The following PAX5 variants were observed in gnomAD, a reference collection of about 807,000 sequenced individuals.
The protein encoded by PAX5 is paired box protein Pax-5.
A neutral mutation model predicts 43.7 loss-of-function variants in PAX5; 9 were observed. The observed-to-expected ratio is 0.21, with a 90% CI of 0.12 to 0.36. The LOEUF (loss-of-function observed/expected upper bound fraction) is 0.36. Among genes scored for constraint, PAX5 ranks in the 10% least tolerant of loss-of-function variants. The pLI is 1.00. For synonymous variants in PAX5, 228 were observed against 214.3 expected (o/e 1.06, Z -0.56); for missense variants, 383 against 532.7 (o/e 0.72, Z 2.77).
At chr9:36,976,815 C>A (rs1323435792) in intron 5 of PAX5, among the ~76,000 whole-genome samples, 1 of 152,162 alleles carries the variant, frequency 6.6e-6, no homozygotes, top group African/African-American at 2.4e-5. Flanking sequence ...TGGGAAAGGC[C>A]CCAAGGGCTG....
intron 8 of PAX5, among the ~76,000 whole-genome samples, chr9:36,863,453 G>A (rs4880019): frequency 0.82 from 125,336 of 152,104 alleles, 51,721 homozygotes; most frequent in Middle Eastern, 0.87. Context: ...TTTAGTGTCA[G>A]TGATGTGCCG....
chr9:37,025,846 T>G (rs539061037), intron 1 of PAX5, among the ~76,000 whole-genome samples: 4 of 152,098 alleles, frequency 2.6e-5, no homozygotes, highest in Non-Finnish European at 4.4e-5. Flanking sequence ...TCGTTTCTTA[T>G]CCTCTTTTTT....
intron 6 of PAX5, among the ~76,000 whole-genome samples, chr9:36,932,947 G>T (rs910829071): frequency 1.3e-5 from 2 of 151,964 alleles, no homozygotes; most frequent in Admixed American, 6.6e-5. Context: ...CCTGAGGTCA[G>T]GAGTTCAAGA....
At chr9:37,006,234 A>G (rs1043344276) in intron 4 of PAX5, among the ~76,000 whole-genome samples, 4 of 152,010 alleles carry the variant, frequency 2.6e-5, no homozygotes, top group African/African-American at 9.7e-5. Flanking sequence ...TTAGATTTCA[A>G]TTTTCTGTCT....
intron 6 of PAX5, chr9:36,931,019 G>A (rs368344547): frequency 4.1e-6 from 2 of 489,692 alleles, no homozygotes; most frequent in East Asian, 6.1e-5. Flanking sequence ...CAGCGCATGG[G>A]GCAAGGCTGC....
In PAX5 at chr9:36,840,647, C is replaced by T. The variant is rs149896434; in HGVS notation, c.1100-11G>A. 1,460 of 1,537,074 alleles carry T rather than the reference C, an allele frequency of 9.5e-4. 17 individuals carry two copies. The South Asian group carries it at 0.012, about 13-fold the overall frequency. Reference sequence around the variant, plus strand: ...AATAGTAGGGGGAGCCTGGAAGAGACGGGAGAGAGCACCGAGGTCAGATCC... The same window carrying T: ...AATAGTAGGGGGAGCCTGGAAGAGATGGGAGAGAGCACCGAGGTCAGATCC... On this transcript the variant is annotated splice_polypyrimidine_tract_variant and intron_variant, in intron 9 of 9. Transcript: ENST00000358127.
chr9:37,024,480 T>C (rs945900489), intron 1 of PAX5, among the ~76,000 whole-genome samples: 4 of 152,100 alleles, frequency 2.6e-5, no homozygotes, highest in African/African-American at 9.7e-5. Context: ...TCAGCCACCT[T>C]CCAGGATCTA....
intron 7 of PAX5, among the ~76,000 whole-genome samples, chr9:36,883,940 A>G (rs1349647160): frequency 6.6e-6 from 1 of 152,212 alleles, no homozygotes; most frequent in Admixed American, 6.5e-5. Flanking sequence ...AAGTAATTCA[A>G]GAAGAGTCAG....
At chr9:36,939,202 T>C (rs2132048957) in intron 6 of PAX5, among the ~76,000 whole-genome samples, 1 of 152,314 alleles carries the variant, frequency 6.6e-6, no homozygotes, top group African/African-American at 2.4e-5. Context: ...CCTTTCTTTC[T>C]TAAAATAAAT....
chr9:36,864,649 C>G (rs540783384), intron 8 of PAX5, among the ~76,000 whole-genome samples: 12 of 152,210 alleles, frequency 7.9e-5, no homozygotes, highest in Admixed American at 1.3e-4. Context: ...CAGCCTCCCC[C>G]CTCAGCCCAC....
At chr9:37,007,315 C>T (rs1838486664) in intron 3 of PAX5, 1 of 152,172 alleles carries the variant, frequency 6.6e-6, no homozygotes, top group Admixed American at 6.5e-5. Flanking sequence ...TGGAACAGAC[C>T]ACTCTGCTTA....
chr9:36,920,803 C>CAT (rs1471761669), intron 7 of PAX5, among the ~76,000 whole-genome samples: 13 of 91,226 alleles, frequency 1.4e-4, no homozygotes, highest in Non-Finnish European at 2.0e-4. Context: ...ATAGACATAG[C>CAT]TTTTTTTTTT....
At chr9:36,958,649 G>A (rs573065606) in intron 6 of PAX5, among the ~76,000 whole-genome samples, 3 of 152,234 alleles carry the variant, frequency 2.0e-5, no homozygotes, top group African/African-American at 2.4e-5. Flanking sequence ...CTAGCTCTCC[G>A]AGTCTCCTCA....
intron 8 of PAX5, among the ~76,000 whole-genome samples, chr9:36,853,462 T>TA (rs1823357133): frequency 6.6e-6 from 1 of 151,412 alleles, no homozygotes; most frequent in Admixed American, 6.6e-5. Flanking sequence ...TCCATGAACA[T>TA]AGAGCTCTGA....
At chr9:36,945,177 A>G (rs1003836489) in intron 6 of PAX5, among the ~76,000 whole-genome samples, 7 of 152,044 alleles carry the variant, frequency 4.6e-5, no homozygotes, top group Non-Finnish European at 1.0e-4. Flanking sequence ...GTACAGCCAC[A>G]TTCCTGTCTT....
At chr9:36,876,009 TG>T (rs1186819756) in intron 8 of PAX5, among the ~76,000 whole-genome samples, 2 of 152,208 alleles carry the variant, frequency 1.3e-5, no homozygotes, top group African/African-American at 4.8e-5. Context: ...ATTTGGTCAC[TG>T]GGGAAGGCCT....
intron 8 of PAX5, among the ~76,000 whole-genome samples, chr9:36,871,592 G>A (rs755449295): frequency 2.6e-5 from 4 of 152,190 alleles, no homozygotes; most frequent in African/African-American, 7.2e-5. Context: ...CAGCCCAGTC[G>A]TTTTGTTTGT....
chr9:37,034,265 A>G lies in PAX5; in HGVS notation c.-234T>C. ...CGAAGGCACCGTGAAATGATTAAGG[A>G]ACTAAAGAGCTTCTCGCCATGTGAG... On this transcript the variant is annotated 5_prime_UTR_variant, in exon 1 of 10. Coordinates refer to ENST00000358127, the MANE Select transcript of PAX5 (RefSeq NM_016734.3). 1.9e-6 allele frequency: 1 copy of G among 524,046 alleles called. No homozygotes were observed. Among genetic ancestry groups the G allele is most frequent in the Non-Finnish European group, 3.4e-6 (1 of 296,354 alleles). The allele number at this position is 524,046 out of a possible 1,614,324, so 32.5% of individuals were successfully genotyped here.
chr9:37,030,694 T>A (rs973507344), intron 1 of PAX5, among the ~76,000 whole-genome samples: 1 of 152,208 alleles, frequency 6.6e-6, no homozygotes, highest in African/African-American at 2.4e-5. Context: ...TTGAGAATAA[T>A]GTGTGAGAAG....
Sources: allele counts gnomAD v4.1 joint callset (sites outside exome capture counted in the v4.1 genomes callset), GRCh38; gene constraint gnomAD v4.1.1; transcripts MANE v1.5; gene names NCBI Gene and HGNC (gene_info 2026-07-23, HGNC 2026-07-21).